ROBO2: variants seen among roughly 807,000 people sequenced by gnomAD.
The protein encoded by ROBO2 is roundabout homolog 2.
Under a neutral mutation model 160.8 loss-of-function variants are expected in ROBO2, and 53 were observed. The observed-to-expected ratio is 0.33, with a 90% CI of 0.26 to 0.41. The LOEUF is 0.41. ROBO2 is among the 10% of genes least tolerant of loss of function. The probability of loss-of-function intolerance (pLI) is 1.00; values close to 1 mark genes in which losing one functional copy is unlikely to be tolerated. For missense variants in ROBO2, 1,577 were observed against 1,722.4 expected, an observed-to-expected ratio of 0.92 and a Z score of 1.49; for synonymous variants, 664 against 611.7, an observed-to-expected ratio of 1.09 and a Z score of -1.26.
intron 2 of ROBO2, among the ~76,000 whole-genome samples, chr3:76,768,675 CTTTAG>C (rs960634733): frequency 4.0e-5 from 6 of 149,982 alleles, no homozygotes; most frequent in African/African-American, 1.5e-4. Context: ...ATATGTAAAA[CTTTAG>C]TTTAAATTAA....
At chr3:76,653,177 T>C (rs1262073692) in intron 2 of ROBO2, among the ~76,000 whole-genome samples, 1 of 152,054 alleles carries the variant, frequency 6.6e-6, no homozygotes, top group Non-Finnish European at 1.5e-5. Context: ...AAATATTGCT[T>C]ATCTGTATTA....
intron 2 of ROBO2, among the ~76,000 whole-genome samples, chr3:77,324,034 A>C (rs2065094793): frequency 6.6e-6 from 1 of 152,202 alleles, no homozygotes; most frequent in South Asian, 2.1e-4. Context: ...TATTTCTCTT[A>C]ACACTGGTAT....
At chr3:76,211,950 A>G (rs1015740809) in intron 2 of ROBO2, among the ~76,000 whole-genome samples, 3 of 152,038 alleles carry the variant, frequency 2.0e-5, no homozygotes, top group African/African-American at 7.2e-5. Context: ...AGTGACTACA[A>G]TTGAGGTTAA....
chr3:76,483,035 T>C (rs2079293510), intron 2 of ROBO2, among the ~76,000 whole-genome samples: 1 of 152,154 alleles, frequency 6.6e-6, no homozygotes, highest in Non-Finnish European at 1.5e-5. Flanking sequence ...TTTAGGGAGA[T>C]AAATGGAAAT....
Position 76,537,501 on chromosome 3 carries a change from C to T in ROBO2, c.110-560513C>T, listed in dbSNP as rs187512989. 1.9e-4 allele frequency among the ~76,000 whole-genome samples: 29 copies of T among 151,990 alleles called. 1 individual carries two copies. Among genetic ancestry groups the T allele is most frequent in the Admixed American group, 3.9e-4 (6 of 15,264 alleles). On this transcript the variant is annotated intron_variant, in intron 2 of 26. Transcript: ENST00000487694. Reference sequence around the variant, plus strand: ...GAAGGAGAGAGAGACTGAAGGGTAGCGAGAGAGGCTGGAGAAGAGGGTGAA... The same window carrying T: ...GAAGGAGAGAGAGACTGAAGGGTAGTGAGAGAGGCTGGAGAAGAGGGTGAA...
intron 2 of ROBO2, among the ~76,000 whole-genome samples, chr3:76,658,545 T>C (rs2091679886): frequency 6.6e-6 from 1 of 152,150 alleles, no homozygotes; most frequent in Non-Finnish European, 1.5e-5. Context: ...GTCCATGTGT[T>C]CTCACTGTTC....
In ROBO2 at chr3:76,299,470, GA is replaced by G. The variant is rs201244589; in HGVS notation, c.109+361869del. Among the ~76,000 whole-genome samples the G allele has an allele frequency of 1.4e-4, 22 of 152,262 alleles. No homozygotes were observed. The East Asian group carries it at 3.9e-3, about 27-fold the overall frequency. ...TGGCTGGCACAGAGAAAATAAAGGG[GA>G]GAACAGGAAAAGATACATTGGATGT... On this transcript the variant is annotated intron_variant, in intron 2 of 26. Coordinates refer to the ROBO2 transcript ENST00000487694.
At chr3:76,791,046 A>C (rs192181761) in intron 2 of ROBO2, among the ~76,000 whole-genome samples, 169 of 151,966 alleles carry the variant, frequency 1.1e-3, no homozygotes, top group African/African-American at 4.0e-3. Flanking sequence ...TGTTGCCATC[A>C]TCATAGTCTT....
chr3:76,935,749 A>C (rs1206472394), intron 2 of ROBO2, among the ~76,000 whole-genome samples: 1 of 152,170 alleles, frequency 6.6e-6, no homozygotes, highest in Non-Finnish European at 1.5e-5. Context: ...GACCTCTTTT[A>C]TAAGGGCACT....
chr3:76,112,370 A>G (rs1240983233), intron 2 of ROBO2, among the ~76,000 whole-genome samples: 1 of 152,134 alleles, frequency 6.6e-6, no homozygotes, highest in African/African-American at 2.4e-5. Context: ...ATATTGAAAT[A>G]CAAATAACCT....
intron 2 of ROBO2, among the ~76,000 whole-genome samples, chr3:76,772,807 A>C (rs1415365886): frequency 6.6e-6 from 1 of 151,102 alleles, no homozygotes; most frequent in Non-Finnish European, 1.5e-5. Flanking sequence ...CATTAGTGGG[A>C]ATCTATGTCC....
At chr3:75,922,863 T>C (rs1947125576) in intron 1 of ROBO2, among the ~76,000 whole-genome samples, 1 of 152,202 alleles carries the variant, frequency 6.6e-6, no homozygotes, top group Non-Finnish European at 1.5e-5. Context: ...TTTTCTTCTG[T>C]TTCTAATATA....
chr3:76,660,001 T>C (rs2091749518), intron 2 of ROBO2, among the ~76,000 whole-genome samples: 1 of 152,206 alleles, frequency 6.6e-6, no homozygotes, highest in African/African-American at 2.4e-5. Context: ...ATTGAAGATT[T>C]AAGTGTCTTC....
Position 76,283,534 on chromosome 3 carries a change from G to T in ROBO2, c.109+345932G>T, listed in dbSNP as rs1247123073. On this transcript the variant is annotated intron_variant, in intron 2 of 26. Coordinates refer to the ROBO2 transcript ENST00000487694. Reference sequence around the variant, plus strand: ...ACATGTGTATTTACTTATCCTGTAGGAATCTTTACTTATCTAGCAATATAG... The same window carrying T: ...ACATGTGTATTTACTTATCCTGTAGTAATCTTTACTTATCTAGCAATATAG... 4.0e-5 allele frequency among the ~76,000 whole-genome samples: 6 copies of T among 151,894 alleles called. No homozygotes were observed. The East Asian group carries it at 1.2e-3, about 30-fold the overall frequency.
chr3:77,129,083 G>A (rs1315824658), intron 2 of ROBO2, among the ~76,000 whole-genome samples: 1 of 151,824 alleles, frequency 6.6e-6, no homozygotes, highest in Non-Finnish European at 1.5e-5. Flanking sequence ...TCCTTTTGGA[G>A]TGCTCTTTTT....
chr3:77,380,950 C>CAA (rs922808767), intron 2 of ROBO2, among the ~76,000 whole-genome samples: 1 of 151,934 alleles, frequency 6.6e-6, no homozygotes, highest in African/African-American at 2.4e-5. Context: ...GTGAAACTGG[C>CAA]AAATCCCCAC....
chr3:77,183,756 A>G (rs1264213624), intron 2 of ROBO2, among the ~76,000 whole-genome samples: 3 of 152,008 alleles, frequency 2.0e-5, no homozygotes, highest in African/African-American at 4.8e-5. Flanking sequence ...TTTTGTTCCA[A>G]CTGGAGTTTC....
chr3:77,111,886 T>G (rs533594118), intron 2 of ROBO2, among the ~76,000 whole-genome samples: 1 of 152,100 alleles, frequency 6.6e-6, no homozygotes, highest in East Asian at 1.9e-4. Flanking sequence ...AGTACCTGTT[T>G]AAATTCACCA....
At chr3:75,928,120 G>A (rs1345663019) in intron 1 of ROBO2, among the ~76,000 whole-genome samples, 2 of 151,788 alleles carry the variant, frequency 1.3e-5, no homozygotes, top group South Asian at 2.1e-4. Context: ...GAGTAGCTGG[G>A]ATTACAGGCG....
Sources: allele counts gnomAD v4.1 joint callset (sites outside exome capture counted in the v4.1 genomes callset), GRCh38; gene constraint gnomAD v4.1.1; transcripts MANE v1.5; gene names NCBI Gene and HGNC (gene_info 2026-07-23, HGNC 2026-07-21).